The following MYH14 variants were observed in gnomAD, a reference collection of about 807,000 sequenced individuals.
The protein encoded by MYH14 is myosin-14.
A neutral mutation model predicts 255.5 loss-of-function variants in MYH14; 123 were observed. The ratio of observed to expected loss-of-function variants is 0.48; its 90% CI spans 0.42 to 0.56. The LOEUF is 0.56. Ranked by LOEUF, MYH14 falls within the 20% of genes least tolerant of loss-of-function variation. MYH14 has a pLI of 0.00. For synonymous variants in MYH14, 1,095 were observed against 1,161.2 expected, an observed-to-expected ratio of 0.94 and a Z score of 1.16; for missense variants, 2,423 against 2,802.3, an observed-to-expected ratio of 0.86 and a Z score of 3.06.
chr19:50,249,357 GTCTCTGGGTCTCTGTCCCCCTCTC>G (rs2034266231), intron 13 of MYH14: 2 of 596,944 alleles, frequency 3.4e-6, no homozygotes, highest in South Asian at 4.4e-5. Context: ...TCTGTCCCCT[GTCTCTGGGTCTCTGTCCCCCTCTC>G]TCTCTGGGTC....
At chr19:50,299,107 A>G (rs1163038631) in intron 39 of MYH14, among the ~76,000 whole-genome samples, 1 of 151,656 alleles carries the variant, frequency 6.6e-6, no homozygotes, top group Non-Finnish European at 1.5e-5. Context: ...AAAAAACAAA[A>G]AAGAAAGAAA....
intron 10 of MYH14, among the ~76,000 whole-genome samples, chr19:50,241,618 T>C (rs1181942095): frequency 6.7e-6 from 1 of 149,872 alleles, no homozygotes; most frequent in Non-Finnish European, 1.5e-5. Context: ...ACAGTGGCTG[T>C]CCTCCTGGAA....
At chr19:50,281,472 C>A in intron 32 of MYH14, 122 bp from the exon 33 acceptor site, 1 of 1,396,856 alleles carries the variant, frequency 7.2e-7, no homozygotes, top group Non-Finnish European at 9.6e-7. Flanking sequence ...AAGAGCCCAG[C>A]AGAATGACCC....
intron 1 of MYH14, among the ~76,000 whole-genome samples, chr19:50,209,341 A>G (rs567332857): frequency 6.6e-6 from 1 of 152,178 alleles, no homozygotes; most frequent in South Asian, 2.1e-4. Context: ...CTGTTGCTCC[A>G]TTGTCAGTGC....
At position 50,205,362 on chromosome 19, in the gene MYH14, C is replaced by A. The variant is rs561462709; in HGVS notation, c.-4+1691C>A. The A allele has an allele frequency of 5.1e-4, 79 of 153,902 alleles. 2 individuals carry two copies. The South Asian group carries it at 0.014, about 27-fold the overall frequency. The allele number at this position is 153,902 out of a possible 1,614,324, so 9.5% of individuals were successfully genotyped here. A position where few individuals can be genotyped will look rare whatever the true frequency, so the allele number is the denominator to read the frequency against. On this transcript the variant is annotated intron_variant, in intron 1 of 42. Coordinates refer to ENST00000642316, the MANE Select transcript of MYH14 (RefSeq NM_001145809.2). The stretch of plus-strand genomic sequence containing the variant: ...TCAACCCCCGCCTTCCCCCGGCCCC[C>A]GTCAGAGGCCCTGAAGCTCCAGGCC...
At position 50,230,697 on chromosome 19, in the gene MYH14, G is replaced by A; in HGVS notation, c.973+74G>A. On this transcript the variant is annotated intron_variant, in intron 9 of 42. Transcript: ENST00000642316. The surrounding 1 kb of genome is among the most constrained non-coding windows in gnomAD (Gnocchi z 4.7). ...CATGTCTCTCGGGGGCCCCTTCTGGGGAGGAAGCAAGAGTGGGGGGCTCTA... is the reference window on the plus strand; with the variant it reads ...CATGTCTCTCGGGGGCCCCTTCTGGAGAGGAAGCAAGAGTGGGGGGCTCTA... 1 of 1,328,504 alleles carries A rather than the reference G, an allele frequency of 7.5e-7. No homozygotes were observed. Among genetic ancestry groups the A allele is most frequent in the Non-Finnish European group, 1.0e-6 (1 of 954,622 alleles). The allele number at this position is 1,328,504 out of a possible 1,614,324, so 82.3% of individuals were successfully genotyped here. A position where few individuals can be genotyped will look rare whatever the true frequency, so the allele number is the denominator to read the frequency against.
chr19:50,270,798 C>A (rs189371133), intron 24 of MYH14, among the ~76,000 whole-genome samples: 1,552 of 151,870 alleles, frequency 0.01, 14 homozygotes, highest in Non-Finnish European at 0.015. Context: ...GGGTTCACGC[C>A]ATTCTCCTGC....
intron 24 of MYH14, 133 bp from the exon 25 acceptor site, chr19:50,271,276 T>TC: frequency 1.1e-6 from 1 of 881,808 alleles, no homozygotes; most frequent in South Asian, 1.8e-5. Context: ...CTTCCCGGCC[T>TC]CACCCAGGGC....
intron 32 of MYH14, 25 bp from the exon 33 acceptor site, chr19:50,281,569 A>G (rs1601016358): frequency 2.6e-6 from 4 of 1,549,852 alleles, no homozygotes; most frequent in Non-Finnish European, 3.5e-6. Context: ...GTGACCACCA[A>G]CCACCCTCTC....
intron 1 of MYH14, among the ~76,000 whole-genome samples, chr19:50,209,139 C>G (rs369267749): frequency 6.6e-6 from 1 of 152,042 alleles, no homozygotes; most frequent in Non-Finnish European, 1.5e-5. Context: ...GCCTGAGCAA[C>G]GGAGTGAAAC....
intron 9 of MYH14, among the ~76,000 whole-genome samples, chr19:50,231,640 G>T (rs1212396254): frequency 6.6e-6 from 1 of 151,996 alleles, no homozygotes; most frequent in Non-Finnish European, 1.5e-5. Context: ...TTGAGCCCAG[G>T]AGTTTGAGGC....
intron 18 of MYH14, 72 bp downstream of exon 18, chr19:50,257,558 G>A: frequency 1.4e-6 from 2 of 1,442,920 alleles, no homozygotes; most frequent in Non-Finnish European, 1.9e-6. Flanking sequence ...GGACTTGGCT[G>A]GAGCCACATC....
intron 24 of MYH14, among the ~76,000 whole-genome samples, 189 bp downstream of exon 24, chr19:50,268,556 A>G (rs1188803837): frequency 6.6e-6 from 1 of 152,242 alleles, no homozygotes; most frequent in African/African-American, 2.4e-5. Flanking sequence ...AGCTTCACCT[A>G]TGGATGGATC....
chr19:50,223,438 T>C (rs925392534), intron 5 of MYH14, 89 bp downstream of exon 5: 2 of 932,984 alleles, frequency 2.1e-6, no homozygotes, highest in South Asian at 2.8e-5. Context: ...TCTCTTCCCC[T>C]CATGGAGGTC....
intron 12 of MYH14, among the ~76,000 whole-genome samples, chr19:50,248,487 G>C (rs1469870546): frequency 2.0e-5 from 3 of 152,200 alleles, no homozygotes; most frequent in African/African-American, 7.2e-5. Context: ...GCTGGCCCCA[G>C]GCTGGGCAGT....
In MYH14 at chr19:50,307,091, G is replaced by A; in HGVS notation, c.5721G>A (p.Lys1907=). ...LSGKLVRRAE[K]RLKEVVLQVE... ...GAAAGCTGGTGCGCAGAGCTGAGAA[G>A]CGGCTTAAAGAGGTGGTGCTCCAGG... The change falls in exon 41 of 43, where the codon AAG becomes AAA. Residue 1907 remains lysine, a synonymous_variant. Coordinates refer to ENST00000642316, the MANE Select transcript of MYH14 (RefSeq NM_001145809.2). 4 of 1,551,134 alleles carry A rather than the reference G, an allele frequency of 2.6e-6. No individual in the cohort carries two copies. In the East Asian group the frequency reaches 9.8e-5, roughly 38 times the overall value.
chr19:50,273,330 C>T (rs544125173), intron 27 of MYH14, among the ~76,000 whole-genome samples: 92 of 151,346 alleles, frequency 6.1e-4, no homozygotes, highest in African/African-American at 1.7e-3. Flanking sequence ...CTATTTCTTC[C>T]TCTTCCCTGC....
chr19:50,215,844 C>G (rs117226262), intron 2 of MYH14, among the ~76,000 whole-genome samples: 2,823 of 152,152 alleles, frequency 0.019, 43 homozygotes, highest in Middle Eastern at 0.031. Context: ...AAAGATAGTC[C>G]TGCTGCTAAC....
rs56728213 is a variant in MYH14 at position 50,251,521 on chromosome 19, TACACACACACACACAC to T, written c.1830+867_1830+882del. Among the ~76,000 whole-genome samples the T allele has an allele frequency of 1.5e-3, 112 of 72,630 alleles. 1 individual carries two copies. The highest frequency in any genetic ancestry group is 2.7e-3 in the African/African-American group (66 of 24,722). 47.6% of individuals were successfully genotyped at this position (72,630 alleles called of 152,430 possible). ...TATACACACATATATATATACACAC[TACACACACACACACAC>T]ACACACACACACACACACACACACA... On this transcript the variant is annotated intron_variant, in intron 15 of 42. Coordinates refer to ENST00000642316, the MANE Select transcript of MYH14 (RefSeq NM_001145809.2).
Sources: allele counts gnomAD v4.1 joint callset (sites outside exome capture counted in the v4.1 genomes callset), GRCh38; gene constraint gnomAD v4.1.1; non-coding constraint Gnocchi (gnomAD v3.1); transcripts MANE v1.5; gene names NCBI Gene and HGNC (gene_info 2026-07-23, HGNC 2026-07-21).